DOCK5: variants seen among roughly 807,000 people sequenced by gnomAD.
DOCK5 encodes dedicator of cytokinesis protein 5.
DOCK5 carries 142 observed loss-of-function variants against 251.8 expected under a neutral mutation model. That is an observed-to-expected ratio of 0.56 (90% CI 0.49 to 0.65). DOCK5 has a LOEUF of 0.65. DOCK5 is among the 30% of genes least tolerant of loss of function. The pLI is 0.00. For missense variants in DOCK5, 2,111 were observed against 2,312.3 expected (o/e 0.91, Z 1.79); for synonymous variants, 842 against 835.5 (o/e 1.01, Z -0.13).
intron 13 of DOCK5, 24 bp downstream of exon 13, chr8:25,310,556 T>C (rs1805061866): frequency 2.5e-6 from 4 of 1,588,690 alleles, no homozygotes; most frequent in East Asian, 2.2e-5. Flanking sequence ...ATGGCTCACC[T>C]GTTTGCTTCC....
chr8:25,333,144 A>G (rs1453472570), intron 20 of DOCK5, among the ~76,000 whole-genome samples: 2 of 152,222 alleles, frequency 1.3e-5, no homozygotes, highest in Non-Finnish European at 2.9e-5. Context: ...TTAAACCTAC[A>G]ACCCATTGCA....
At chr8:25,329,761 C>T (rs56915884) in intron 18 of DOCK5, among the ~76,000 whole-genome samples, 2,022 of 152,160 alleles carry the variant, frequency 0.013, 36 homozygotes, top group African/African-American at 0.046. Context: ...AGAGACAACC[C>T]ACGTGTTTAT....
At chr8:25,281,255 C>T (rs137911102) in intron 5 of DOCK5, among the ~76,000 whole-genome samples, 1 of 151,450 alleles carries the variant, frequency 6.6e-6, no homozygotes, top group East Asian at 2.0e-4. Context: ...TGGTAAAACC[C>T]CTTCTCTACT....
chr8:25,344,583 T>A (rs1395792049), intron 25 of DOCK5, among the ~76,000 whole-genome samples: 1 of 152,220 alleles, frequency 6.6e-6, no homozygotes, highest in African/African-American at 2.4e-5. Context: ...TTGAGCTAGA[T>A]CGTATCAGTA....
chr8:25,235,546 C>G (rs1295263175), intron 1 of DOCK5, among the ~76,000 whole-genome samples: 2 of 152,192 alleles, frequency 1.3e-5, no homozygotes, highest in Non-Finnish European at 1.5e-5. Context: ...GCGTGAGCCA[C>G]TATGCTGGGC....
At chr8:25,390,697 G>T (rs1262587335) in intron 42 of DOCK5, among the ~76,000 whole-genome samples, 2 of 152,192 alleles carry the variant, frequency 1.3e-5, no homozygotes, top group Non-Finnish European at 2.9e-5. Flanking sequence ...CTGGTCCCCA[G>T]TGATGGAGGG....
intron 27 of DOCK5, among the ~76,000 whole-genome samples, chr8:25,354,233 C>T (rs769572857): frequency 3.0e-4 from 45 of 151,762 alleles, no homozygotes; most frequent in Non-Finnish European, 5.4e-4. Context: ...AAGAACATTG[C>T]GTTATGCTAA....
intron 5 of DOCK5, among the ~76,000 whole-genome samples, chr8:25,281,252 A>G (rs896495303): frequency 6.6e-6 from 1 of 151,348 alleles, no homozygotes; most frequent in African/African-American, 2.4e-5. Context: ...ATATGGTAAA[A>G]CCCCTTCTCT....
At chr8:25,239,319 A>ATGTGTGTG (rs746237389) in intron 1 of DOCK5, among the ~76,000 whole-genome samples, 6 of 130,980 alleles carry the variant, frequency 4.6e-5, no homozygotes, top group African/African-American at 1.6e-4. Flanking sequence ...GTGCGTGTAT[A>ATGTGTGTG]TGTGTGTGTG....
chr8:25,360,958 A>C (rs1800667791), intron 28 of DOCK5, among the ~76,000 whole-genome samples: 1 of 152,170 alleles, frequency 6.6e-6, no homozygotes, highest in African/African-American at 2.4e-5. Context: ...CATTATCCTC[A>C]CGAGGGAACT....
intron 1 of DOCK5, among the ~76,000 whole-genome samples, chr8:25,187,610 C>A (rs975029116): frequency 1.3e-5 from 2 of 151,848 alleles, no homozygotes; most frequent in Admixed American, 6.6e-5. Flanking sequence ...GTTTATGTCA[C>A]CTCCCTGCTT....
At chr8:25,298,552 G>T (rs964630696) in intron 7 of DOCK5, among the ~76,000 whole-genome samples, 3 of 152,114 alleles carry the variant, frequency 2.0e-5, no homozygotes, top group African/African-American at 7.2e-5. Flanking sequence ...CTTAGCAAAT[G>T]CACTTCCTCT....
chr8:25,319,789 C>A, intron 15 of DOCK5, 113 bp downstream of exon 15: 1 of 689,604 alleles, frequency 1.5e-6, no homozygotes, highest in Non-Finnish European at 2.4e-6. Context: ...AGATAAGTTG[C>A]CTATGGTGTG....
At position 25,414,909 on chromosome 8, in the gene DOCK5, C is replaced by CCTTTTTTTTTTT. The variant is rs1801684125; in HGVS notation, c.*3611_*3612insCTTTTTTTTTTT. The CCTTTTTTTTTTT allele has an allele frequency of 1.0e-5, 1 of 96,604 alleles. No homozygotes were observed. Among genetic ancestry groups the CCTTTTTTTTTTT allele is most frequent in the African/African-American group, 3.7e-5 (1 of 27,098 alleles). The allele number at this position is 96,604 out of a possible 1,614,324, so 6.0% of individuals were successfully genotyped here. On this transcript the variant is annotated 3_prime_UTR_variant, in exon 52 of 52. Transcript: ENST00000276440. ...ATTTGTAGTCAGTCCCTGGGCCTGT[C>CCTTTTTTTTTTT]TTTTTTTTTTTTTAATTTTGAAGCT...
intron 21 of DOCK5, 77 bp from the exon 22 acceptor site, chr8:25,336,162 C>G (rs1438660417): frequency 3.4e-6 from 5 of 1,480,578 alleles, no homozygotes; most frequent in African/African-American, 2.8e-5. Context: ...TGCCATGTTC[C>G]CCTCTTAGAT....
intron 2 of DOCK5, among the ~76,000 whole-genome samples, chr8:25,248,920 G>A (rs1803194794): frequency 6.6e-6 from 1 of 152,182 alleles, no homozygotes; most frequent in Admixed American, 6.6e-5. Flanking sequence ...CTCTATGAGG[G>A]AAATACAGGG....
intron 40 of DOCK5, chr8:25,388,799 T>G (rs1801207175): frequency 6.9e-6 from 2 of 289,118 alleles, no homozygotes; most frequent in Non-Finnish European, 1.3e-5. Context: ...AGTTCCGTAT[T>G]TCCTTGCAGA....
chr8:25,387,646 A>T (rs1218681659), intron 40 of DOCK5, among the ~76,000 whole-genome samples: 5 of 151,826 alleles, frequency 3.3e-5, no homozygotes, highest in Non-Finnish European at 7.4e-5. Context: ...AGTCTTTGAA[A>T]CCTCTGCCTG....
At chr8:25,325,631 A>C (rs540244417) in intron 18 of DOCK5, 84 bp downstream of exon 18, 29 of 1,503,806 alleles carry the variant, frequency 1.9e-5, no homozygotes, top group African/African-American at 4.2e-5. Flanking sequence ...GGGCTGGACT[A>C]TATGGGGCTG....
Sources: allele counts gnomAD v4.1 joint callset (sites outside exome capture counted in the v4.1 genomes callset), GRCh38; gene constraint gnomAD v4.1.1; transcripts MANE v1.5; gene names NCBI Gene and HGNC (gene_info 2026-07-23, HGNC 2026-07-21).